The following SMAD6 variants were observed in gnomAD, a reference collection of about 807,000 sequenced individuals.
SMAD6 encodes SMAD family member 6.
A neutral mutation model predicts 39.4 loss-of-function variants in SMAD6; 103 were observed. The ratio of observed to expected loss-of-function variants is 2.62; its 90% CI spans 2.23 to 3.08. SMAD6 has a LOEUF of 3.08. Ranked by LOEUF, SMAD6 falls within the 30% of genes most tolerant of loss-of-function variation. SMAD6 has a pLI of 0.00. For synonymous variants in SMAD6, 445 were observed against 353.3 expected, an observed-to-expected ratio of 1.26 and a Z score of -2.91; for missense variants, 1,104 against 742.9, an observed-to-expected ratio of 1.49 and a Z score of -5.65.
In SMAD6 at chr15:66,703,359, A is replaced by T. The variant is rs1320534866; in HGVS notation, c.101A>T (p.Asp34Val). Reference protein sequence around the residue: ...EGGSGGGGGGDEDGSLGSRAE... With the variant: ...EGGSGGGGGGVEDGSLGSRAE... ...GGCAGCGGCGGCGGCGGTGGCGGCG[A>T]CGAGGATGGGAGCTTGGGCAGCCGA... is the stretch of plus-strand genomic sequence containing the variant. Residue 34 changes from aspartate (D) to valine (V), a missense_variant, in exon 1 of 4, where the codon GAC (aspartate) becomes GTC (valine). Asp to Val is a radical substitution (Grantham distance 152, BLOSUM62 -3). Coordinates refer to ENST00000288840, the MANE Select transcript of SMAD6 (RefSeq NM_005585.5). 4.1e-6 allele frequency: 6 copies of T among 1,478,798 alleles called. No individual in the cohort carries two copies. In the East Asian group the frequency reaches 1.8e-4, roughly 44 times the overall value. 91.6% of individuals were successfully genotyped at this position (1,478,798 alleles called of 1,614,324 possible).
chr15:66,781,067 G>T lies in SMAD6; in HGVS notation c.1023G>T (p.Thr341=). 1 of 1,604,638 alleles carries T rather than the reference G, an allele frequency of 6.2e-7. No homozygotes were observed. Among genetic ancestry groups the T allele is most frequent in the Non-Finnish European group, 8.5e-7 (1 of 1,178,726 alleles). The change falls in exon 4 of 4, where the codon ACG becomes ACT. Residue 341 remains threonine, a synonymous_variant. Coordinates refer to ENST00000288840, the MANE Select transcript of SMAD6 (RefSeq NM_005585.5). The stretch of plus-strand genomic sequence containing the variant: ...GCGTGGCGTACTGGGAGCACCGGAC[G>T]CGCGTGGGCCGCCTCTATGCGGTGT... ...WCSVAYWEHR[T]RVGRLYAVYD... is the part of the protein sequence containing the mutation.
intron 3 of SMAD6, among the ~76,000 whole-genome samples, chr15:66,750,596 C>T (rs576872265): frequency 2.7e-5 from 4 of 147,648 alleles, no homozygotes; most frequent in South Asian, 4.4e-4. Flanking sequence ...GCAGACCTCG[C>T]ACCAAAAATT....
At position 66,732,444 on chromosome 15, in the gene SMAD6, T is replaced by C. The variant is rs1416291908; in HGVS notation, c.952+15946T>C. On this transcript the variant is annotated intron_variant, in intron 3 of 3. Transcript: ENST00000288840. ...ATGGCTCACTGTAACCCTGAACTCC[T>C]GGCTCAAGTGATCCTCATGTCTCAG... Among the ~76,000 whole-genome samples, 5 of 152,302 alleles carry C rather than the reference T, an allele frequency of 3.3e-5. No homozygotes were observed. The East Asian group carries it at 9.6e-4, about 29-fold the overall frequency.
At chr15:66,765,171 G>A (rs895752238) in intron 3 of SMAD6, among the ~76,000 whole-genome samples, 1 of 152,186 alleles carries the variant, frequency 6.6e-6, no homozygotes, top group East Asian at 1.9e-4. Context: ...TTCAGCCAGC[G>A]AGGAGAAAGC....
At chr15:66,768,758 G>C (rs1894332056) in intron 3 of SMAD6, among the ~76,000 whole-genome samples, 2 of 152,170 alleles carry the variant, frequency 1.3e-5, no homozygotes, top group Non-Finnish European at 1.5e-5. Context: ...CTGGGGCTGG[G>C]TTTGAAAGGA....
At chr15:66,733,263 T>C (rs1364838487) in intron 3 of SMAD6, among the ~76,000 whole-genome samples, 1 of 152,190 alleles carries the variant, frequency 6.6e-6, no homozygotes, top group African/African-American at 2.4e-5. Context: ...TTCAAAGTTG[T>C]TTTGGCTAGT....
intron 3 of SMAD6, among the ~76,000 whole-genome samples, chr15:66,730,084 C>G (rs564533546): frequency 1.2e-4 from 19 of 152,204 alleles, no homozygotes; most frequent in Non-Finnish European, 2.1e-4. Flanking sequence ...TGCGGGGACA[C>G]ATGTGGGTGC....
At position 66,781,769 on chromosome 15, in the gene SMAD6, C is replaced by A. The variant is rs1178788985; in HGVS notation, c.*234C>A. 1 of 400,396 alleles carries A rather than the reference C, an allele frequency of 2.5e-6. No individual in the cohort carries two copies. Among genetic ancestry groups the A allele is most frequent in the Non-Finnish European group, 4.4e-6 (1 of 227,318 alleles). The allele number at this position is 400,396 out of a possible 1,614,324, so 24.8% of individuals were successfully genotyped here. The stretch of plus-strand genomic sequence containing the variant: ...GTATGGTGCAATGTGTGTATATGGA[C>A]AAAACAAGAAAGACGCACTTTGGCT... On this transcript the variant is annotated 3_prime_UTR_variant, in exon 4 of 4. Transcript: ENST00000288840.
chr15:66,715,958 ACAGTTTCCC>A (rs948705857), intron 2 of SMAD6, among the ~76,000 whole-genome samples: 4 of 152,092 alleles, frequency 2.6e-5, no homozygotes, highest in African/African-American at 9.7e-5. Context: ...ACTTGTTAAA[ACAGTTTCCC>A]CAGCCCTAGC....
intron 3 of SMAD6, among the ~76,000 whole-genome samples, chr15:66,773,416 G>T (rs1376084382): frequency 6.6e-6 from 1 of 152,160 alleles, no homozygotes. Context: ...AAGAAAAAGA[G>T]CCTCTAATTA....
chr15:66,764,575 T>C (rs144394803), intron 3 of SMAD6, among the ~76,000 whole-genome samples: 86 of 152,270 alleles, frequency 5.6e-4, no homozygotes, highest in African/African-American at 2.0e-3. Context: ...TAAAGATCTT[T>C]CCTAGACTAT....
At chr15:66,720,691 G>A (rs1025589334) in intron 3 of SMAD6, among the ~76,000 whole-genome samples, 1 of 152,208 alleles carries the variant, frequency 6.6e-6, no homozygotes, top group African/African-American at 2.4e-5. Context: ...CCTTAATGGT[G>A]AGGGTTAAAT....
rs773151953 is a variant in SMAD6, at chr15:66,781,462, G to A, written c.1418G>A (p.Gly473Glu). The A allele has an allele frequency of 3.7e-6, 6 of 1,603,940 alleles. No homozygotes were observed. Among genetic ancestry groups the A allele is most frequent in the Middle Eastern group, 1.7e-4 (1 of 6,052 alleles). ...CGCATCAGCTTCGCCAAGGGCTGGG[G>A]GCCCTGCTACTCCCGGCAGTTCATC... Reference protein sequence around the residue: ...SVRISFAKGWGPCYSRQFITS... With the variant: ...SVRISFAKGWEPCYSRQFITS... Residue 473 changes from glycine to glutamate, a missense_variant, in exon 4 of 4, where the codon GGG (glycine) becomes GAG (glutamate). Gly to Glu is a moderately conservative substitution (Grantham distance 98). Transcript: ENST00000288840.
intron 2 of SMAD6, among the ~76,000 whole-genome samples, chr15:66,715,483 G>A (rs1212858636): frequency 1.3e-4 from 20 of 152,190 alleles, no homozygotes; most frequent in Admixed American, 1.1e-3. Flanking sequence ...GGAGCCACCC[G>A]AGCCAGTCCT....
At chr15:66,757,030 G>A (rs1333558328) in intron 3 of SMAD6, among the ~76,000 whole-genome samples, 2 of 152,184 alleles carry the variant, frequency 1.3e-5, no homozygotes, top group Admixed American at 6.5e-5. Context: ...TTGGGTTAGC[G>A]ATGGGGGGCT....
chr15:66,703,818 C>A lies in SMAD6; in HGVS notation c.560C>A (p.Ser187Ter). 7.0e-7 allele frequency: 1 copy of A among 1,421,456 alleles called. No individual in the cohort carries two copies. Among genetic ancestry groups the A allele is most frequent in the Non-Finnish European group, 9.3e-7 (1 of 1,076,432 alleles). The allele number at this position is 1,421,456 out of a possible 1,614,324, so 88.1% of individuals were successfully genotyped here. A position where few individuals can be genotyped will look rare whatever the true frequency, so the allele number is the denominator to read the frequency against. The change falls in exon 1 of 4, where the codon TCG becomes TAG. Residue 187 changes from serine (S) to a stop codon, truncating the protein, a stop_gained. Coordinates refer to ENST00000288840, the MANE Select transcript of SMAD6 (RefSeq NM_005585.5). LOFTEE classifies it high-confidence loss of function. ...CTGCTGAAGCGGCTCAAGGAGCGCT[C>A]GCTGGACACGCTGCTGGAGGCGGTG... is the stretch of plus-strand genomic sequence containing the variant. ...YSLLKRLKER[S>*]LDTLLEAVES...
intron 2 of SMAD6, among the ~76,000 whole-genome samples, chr15:66,712,514 A>G (rs1049949772): frequency 6.6e-6 from 1 of 152,116 alleles, no homozygotes; most frequent in African/African-American, 2.4e-5. Flanking sequence ...CCCTGTCTCT[A>G]CTAAAAATAC....
At chr15:66,764,882 A>G (rs1894262252) in intron 3 of SMAD6, among the ~76,000 whole-genome samples, 1 of 152,188 alleles carries the variant, frequency 6.6e-6, no homozygotes, top group Non-Finnish European at 1.5e-5. Flanking sequence ...ACTTAAAAGG[A>G]GGGAAAGACC....
intron 3 of SMAD6, among the ~76,000 whole-genome samples, chr15:66,734,522 C>G (rs1222597944): frequency 6.6e-6 from 1 of 152,130 alleles, no homozygotes; most frequent in Non-Finnish European, 1.5e-5. Context: ...GTGCCAGGAG[C>G]TGCTCTAAGT....
Sources: gnomAD v4.1 joint callset for allele counts (sites outside exome capture counted in the v4.1 genomes callset) on GRCh38, gnomAD v4.1.1 for gene constraint, MANE v1.5 for transcripts, NCBI Gene and HGNC (gene_info 2026-07-23, HGNC 2026-07-21) for gene names.